Variants in OSBPL2 observed in about 807,000 individuals in gnomAD.
OSBPL2 encodes the protein oxysterol binding protein like 2, also known as oxysterol-binding protein-related protein 2.
Under a neutral mutation model 58.4 loss-of-function variants are expected in OSBPL2, and 18 were observed. That is an observed-to-expected ratio of 0.31 (90% CI 0.21 to 0.46). OSBPL2 has a LOEUF of 0.46. Among genes scored for constraint, OSBPL2 ranks in the 20% least tolerant of loss-of-function variants. The pLI, the probability that OSBPL2 is intolerant of heterozygous loss-of-function variation, is 1.00. For missense variants in OSBPL2, 461 were observed against 616.5 expected (o/e 0.75, Z 2.67); for synonymous variants, 221 against 234.1 (o/e 0.94, Z 0.51).
intron 8 of OSBPL2, 104 bp downstream of exon 8, chr20:62,281,269 C>T (rs1697560783): frequency 1.3e-6 from 1 of 776,146 alleles, no homozygotes; most frequent in South Asian, 1.6e-5. Flanking sequence ...AGCTCAGCCT[C>T]ACGAGCTGCT....
intron 5 of OSBPL2, 97 bp from the exon 6 acceptor site, chr20:62,273,212 C>G: frequency 1.1e-6 from 1 of 908,288 alleles, no homozygotes. Context: ...CAAATAGTGA[C>G]AGAAACCAGG....
At chr20:62,251,019 CAT>C (rs1025525671) in intron 1 of OSBPL2, among the ~76,000 whole-genome samples, 2 of 150,578 alleles carry the variant, frequency 1.3e-5, no homozygotes, top group Non-Finnish European at 2.9e-5. Context: ...AGGCTTTTCA[CAT>C]AGTGCAGAGC....
At chr20:62,239,912 G>A (rs931160400) in intron 1 of OSBPL2, among the ~76,000 whole-genome samples, 1 of 152,212 alleles carries the variant, frequency 6.6e-6, no homozygotes, top group African/African-American at 2.4e-5. Flanking sequence ...GAGTGCAGTG[G>A]TGCGATCTTG....
chr20:62,285,812 A>G (rs1338603950), intron 10 of OSBPL2: 1 of 152,080 alleles, frequency 6.6e-6, no homozygotes, highest in African/African-American at 2.4e-5. Context: ...CATCTCCACG[A>G]AGGGAAACGC....
At chr20:62,249,599 TAAAC>T (rs1411235258) in intron 1 of OSBPL2, among the ~76,000 whole-genome samples, 2 of 152,242 alleles carry the variant, frequency 1.3e-5, no homozygotes, top group East Asian at 1.9e-4. Flanking sequence ...GTTAATAAAA[TAAAC>T]AGCCTCTGTC....
chr20:62,289,332 T>C lies in OSBPL2; in HGVS notation c.1249+2T>C. 1 of 1,612,162 alleles carries C rather than the reference T, an allele frequency of 6.2e-7. No homozygotes were observed. The highest frequency in any genetic ancestry group is 8.5e-7 in the Non-Finnish European group (1 of 1,179,104). On this transcript the variant is annotated splice_donor_variant, in intron 12 of 13. Transcript: ENST00000313733. LOFTEE classifies it high-confidence loss of function. Reference sequence around the variant, plus strand: ...GCGGCATGGAGAATGGCAACATGGGTGCGTCCACGCAGTCAGAGGAGGAAG... The same window carrying C: ...GCGGCATGGAGAATGGCAACATGGGCGCGTCCACGCAGTCAGAGGAGGAAG...
chr20:62,270,078 G>A lies in OSBPL2; in HGVS notation c.259-2047G>A, dbSNP rs536174900. On this transcript the variant is annotated intron_variant, in intron 4 of 13. Coordinates refer to ENST00000313733, the MANE Select transcript of OSBPL2 (RefSeq NM_144498.4). ...GACGCTGAGTTTTGGGAACCTCGCGGCCCAGGCAGAGCGCGTCCTTGTGGT... is the reference window on the plus strand; with the variant it reads ...GACGCTGAGTTTTGGGAACCTCGCGACCCAGGCAGAGCGCGTCCTTGTGGT... Among the ~76,000 whole-genome samples the A allele has an allele frequency of 2.6e-5, 4 of 152,332 alleles. No homozygotes were observed. The East Asian group carries it at 5.8e-4, about 22-fold the overall frequency.
rs191232866 is a variant in OSBPL2, at chr20:62,280,707, G to C, written c.675-351G>C. On this transcript the variant is annotated intron_variant, in intron 7 of 13. Transcript: ENST00000313733. The stretch of plus-strand genomic sequence containing the variant: ...CATGTGCCAGCTCCCCAGAAAGCCA[G>C]GGCCGCATGCCCAGGACCCTGCATT... Among the ~76,000 whole-genome samples, 3 of 152,236 alleles carry C rather than the reference G, an allele frequency of 2.0e-5. No homozygotes were observed. In the East Asian group the frequency reaches 5.8e-4, roughly 29 times the overall value.
At chr20:62,280,226 T>A in intron 7 of OSBPL2, 2 of 843,488 alleles carry the variant, frequency 2.4e-6, no homozygotes, top group Non-Finnish European at 3.3e-6. Context: ...GATGAAGCAT[T>A]TGATTTGGGT....
chr20:62,256,377 A>G (rs564427321), intron 2 of OSBPL2, among the ~76,000 whole-genome samples, 156 bp downstream of exon 2: 1 of 152,340 alleles, frequency 6.6e-6, no homozygotes, highest in African/African-American at 2.4e-5. Flanking sequence ...GCAAAACCTG[A>G]CATCCATCTC....
intron 3 of OSBPL2, 126 bp downstream of exon 3, chr20:62,260,251 C>G: frequency 1.2e-6 from 1 of 844,436 alleles, no homozygotes; most frequent in East Asian, 2.6e-5. Flanking sequence ...GTCTGGCCTC[C>G]CCATCCGGAC....
chr20:62,293,743 T>C, intron 13 of OSBPL2, 42 bp from the exon 14 acceptor site: 2 of 1,592,286 alleles, frequency 1.3e-6, no homozygotes, highest in African/African-American at 2.7e-5. Flanking sequence ...GTTTTCCTTT[T>C]GGGCTGAGCA....
chr20:62,289,180 G>T, intron 11 of OSBPL2, 27 bp from the exon 12 acceptor site: 1 of 1,612,688 alleles, frequency 6.2e-7, no homozygotes. Context: ...CCCTGCTGAG[G>T]TCGTGTCTCT....
chr20:62,251,051 T>A (rs1394905606), intron 1 of OSBPL2, among the ~76,000 whole-genome samples: 1 of 145,240 alleles, frequency 6.9e-6, no homozygotes, highest in Non-Finnish European at 1.5e-5. Context: ...TTTTTTTTTT[T>A]TTTTTTTTTT....
At chr20:62,271,994 G>A (rs955905914) in intron 4 of OSBPL2, 131 bp from the exon 5 acceptor site, 2 of 1,059,584 alleles carry the variant, frequency 1.9e-6, no homozygotes, top group Admixed American at 4.2e-5. Flanking sequence ...GCTCACCCAT[G>A]GGGGGTTTGA....
intron 3 of OSBPL2, among the ~76,000 whole-genome samples, chr20:62,261,511 C>T (rs984904382): frequency 1.3e-5 from 2 of 152,152 alleles, no homozygotes; most frequent in African/African-American, 4.8e-5. Context: ...TTGGTGGGTC[C>T]ACTCTGGCAC....
Position 62,279,165 on chromosome 20 carries a change from T to A in OSBPL2, c.500T>A (p.Leu167Ter). 1 of 1,609,004 alleles carries A rather than the reference T, an allele frequency of 6.2e-7. No individual in the cohort carries two copies. Among genetic ancestry groups the A allele is most frequent in the Non-Finnish European group, 8.5e-7 (1 of 1,177,010 alleles). Residue 167 changes from leucine (L) to a stop codon, truncating the protein, a stop_gained, in exon 7 of 14, where the codon TTA becomes TAA. Coordinates refer to ENST00000313733, the MANE Select transcript of OSBPL2 (RefSeq NM_144498.4). LOFTEE classifies it high-confidence loss of function. The part of the protein sequence containing the change: ...GETYELIRED[L>*]GFRFISEQVS... The stretch of plus-strand genomic sequence containing the variant: ...TTTATTCTTTGACCTAGGGAAGATT[T>A]AGGATTCAGATTTATATCGGAACAG...
chr20:62,257,544 C>T (rs1485938831), intron 2 of OSBPL2, among the ~76,000 whole-genome samples: 1 of 152,160 alleles, frequency 6.6e-6, no homozygotes, highest in Non-Finnish European at 1.5e-5. Flanking sequence ...CTGAATCCCA[C>T]ACAGCGGAGG....
intron 1 of OSBPL2, among the ~76,000 whole-genome samples, chr20:62,246,622 G>A (rs1980132987): frequency 6.6e-6 from 1 of 152,170 alleles, no homozygotes; most frequent in South Asian, 2.1e-4. Context: ...ACGCAGGGAG[G>A]GATGAGGTGT....
Sources: gnomAD v4.1 joint callset for allele counts (sites outside exome capture counted in the v4.1 genomes callset) on GRCh38, gnomAD v4.1.1 for gene constraint, MANE v1.5 for transcripts, NCBI Gene and HGNC (gene_info 2026-07-23, HGNC 2026-07-21) for gene names.